HHLA2: variants seen among roughly 807,000 people sequenced by gnomAD.
HHLA2 encodes HHLA2 member of B7 family, also known as HERV-H LTR-associating protein 2.
A neutral mutation model predicts 45.9 loss-of-function variants in HHLA2; 48 were observed. The observed-to-expected ratio is 1.05, with a 90% CI of 0.83 to 1.33. HHLA2 has a LOEUF of 1.33. Ranked by LOEUF, HHLA2 falls within the 40% of genes most tolerant of loss-of-function variation. The probability of loss-of-function intolerance (pLI) is 0.00; values close to 1 mark genes in which losing one functional copy is unlikely to be tolerated. For missense variants in HHLA2, 462 were observed against 494.3 expected (o/e 0.93, Z 0.62); for synonymous variants, 161 against 173.9 (o/e 0.93, Z 0.59).
intron 8 of HHLA2, among the ~76,000 whole-genome samples, chr3:108,372,294 A>T (rs2082191571): frequency 6.6e-6 from 1 of 151,964 alleles, no homozygotes; most frequent in South Asian, 2.1e-4. Context: ...CAAAGACACA[A>T]CATACCAGAA....
exon 6 of HHLA2, chr3:108,355,206 C>T: frequency 1.9e-6 from 3 of 1,613,808 alleles, no homozygotes; most frequent in Non-Finnish European, 2.5e-6. Flanking sequence ...GTCCAATTAT[C>T]ACGTGGAAAA....
chr3:108,364,852 T>C (rs186669894), intron 8 of HHLA2, among the ~76,000 whole-genome samples: 14 of 152,348 alleles, frequency 9.2e-5, no homozygotes, highest in African/African-American at 3.4e-4. Context: ...TGTTTATTTT[T>C]TTCTTGTAAA....
intron 2 of HHLA2, among the ~76,000 whole-genome samples, chr3:108,327,948 C>G (rs774415651): frequency 6.6e-6 from 1 of 152,040 alleles, no homozygotes; most frequent in Admixed American, 6.6e-5. Context: ...GCCTGGCCAA[C>G]GTGGTGAAAC....
intron 8 of HHLA2, among the ~76,000 whole-genome samples, chr3:108,372,554 A>G (rs981603962): frequency 2.0e-5 from 3 of 151,306 alleles, no homozygotes; most frequent in African/African-American, 4.8e-5. Flanking sequence ...TTTTTTGAAA[A>G]GATCAACAAA....
chr3:108,366,530 T>C (rs1484279266), intron 8 of HHLA2, among the ~76,000 whole-genome samples: 1 of 152,216 alleles, frequency 6.6e-6, no homozygotes, highest in Non-Finnish European at 1.5e-5. Flanking sequence ...TTCTGTTGTT[T>C]GGAATAGTAT....
intron 3 of HHLA2, among the ~76,000 whole-genome samples, chr3:108,338,455 C>G (rs72937782): frequency 6.6e-6 from 1 of 151,738 alleles, no homozygotes; most frequent in Admixed American, 6.6e-5. Flanking sequence ...TGAGGACATG[C>G]TTGTTGGGGG....
chr3:108,325,802 C>T, intron 2 of HHLA2: 1 of 317,134 alleles, frequency 3.2e-6, no homozygotes. Flanking sequence ...GTTTCCTCTA[C>T]TACCAAAGTT....
At position 108,375,655 on chromosome 3, in the gene HHLA2, C is replaced by G. The variant is rs1576191467; in HGVS notation, c.1109-95C>G. The G allele has an allele frequency of 2.1e-6, 3 of 1,441,802 alleles. No homozygotes were observed. In the South Asian group the frequency reaches 4.0e-5, roughly 19 times the overall value. The allele number at this position is 1,441,802 out of a possible 1,614,324, so 89.3% of individuals were successfully genotyped here. A position where few individuals can be genotyped will look rare whatever the true frequency, so the allele number is the denominator to read the frequency against. On this transcript the variant is annotated intron_variant, in intron 8 of 10. Coordinates refer to ENST00000619531, the Ensembl canonical transcript of HHLA2. ...CTTCAAAGAACCAGAGAGTGACTTT[C>G]AATTGAAGGACAGAGCCATACCAAG...
chr3:108,338,071 G>GCA (rs1469173957), intron 3 of HHLA2, among the ~76,000 whole-genome samples: 1 of 151,160 alleles, frequency 6.6e-6, no homozygotes, highest in Non-Finnish European at 1.5e-5. Context: ...ATGTACAAAC[G>GCA]CACACACACA....
At chr3:108,298,217 G>C (rs1484462848) in intron 1 of HHLA2, among the ~76,000 whole-genome samples, 2 of 152,176 alleles carry the variant, frequency 1.3e-5, no homozygotes, top group African/African-American at 2.4e-5. Flanking sequence ...TCTTCTGTCA[G>C]ATGAGACTAG....
intron 2 of HHLA2, among the ~76,000 whole-genome samples, chr3:108,327,423 T>G (rs1004798297): frequency 6.6e-6 from 1 of 152,194 alleles, no homozygotes; most frequent in Non-Finnish European, 1.5e-5. Context: ...TTCTCCTTTC[T>G]TTTTCCTAGG....
intron 8 of HHLA2, among the ~76,000 whole-genome samples, chr3:108,367,720 C>T (rs866923659): frequency 6.6e-5 from 10 of 151,972 alleles, no homozygotes; most frequent in Admixed American, 2.0e-4. Context: ...AAAGACCAAA[C>T]CGGTGATTGA....
At chr3:108,355,316 C>T (rs748685350) in exon 6 of HHLA2, 1 of 1,613,726 alleles carries the variant, frequency 6.2e-7, no homozygotes, top group Non-Finnish European at 8.5e-7. Context: ...TCAAATTCAT[C>T]TTATGAATGT....
chr3:108,372,372 C>T (rs1326025729), intron 8 of HHLA2, among the ~76,000 whole-genome samples: 1 of 151,628 alleles, frequency 6.6e-6, no homozygotes, highest in Admixed American at 6.6e-5. Flanking sequence ...CAAGAGAAAG[C>T]AGGAAAGATC....
At chr3:108,376,320 G>A (rs912937646) in intron 9 of HHLA2, among the ~76,000 whole-genome samples, 173 bp from the exon 9 acceptor site, 1 of 152,124 alleles carries the variant, frequency 6.6e-6, no homozygotes, top group African/African-American at 2.4e-5. Flanking sequence ...ATTTACTGCT[G>A]CTTCTGATGA....
intron 10 of HHLA2, 162 bp from the exon 10 acceptor site, chr3:108,377,094 CTT>C: frequency 1.7e-6 from 1 of 592,708 alleles, no homozygotes; most frequent in East Asian, 2.8e-5. Flanking sequence ...AAGACTCAGA[CTT>C]ATTTTATAAT....
At chr3:108,369,549 A>G (rs2082129462) in intron 8 of HHLA2, among the ~76,000 whole-genome samples, 1 of 152,148 alleles carries the variant, frequency 6.6e-6, no homozygotes, top group African/African-American at 2.4e-5. Context: ...GGGTCAGGGA[A>G]TTCCCTTTCC....
At position 108,375,809 on chromosome 3, in the gene HHLA2, C is replaced by G; in HGVS notation, c.1159+9C>G. 6.2e-7 allele frequency: 1 copy of G among 1,609,592 alleles called. No homozygotes were observed. The highest frequency in any genetic ancestry group is 8.5e-7 in the Non-Finnish European group (1 of 1,177,314). On this transcript the variant is annotated intron_variant, in intron 9 of 10. Coordinates refer to ENST00000619531, the Ensembl canonical transcript of HHLA2. ...TGATGGAGCCCAACAAGGTCAGCCT[C>G]CCATGTCTGAGAGAAGAATGGATTC...
rs187053868 is a variant in HHLA2 at position 108,352,551 on chromosome 3, C to T, written c.64+674C>T. On this transcript the variant is annotated intron_variant, in intron 4 of 10. Transcript: ENST00000619531. ...ATAAGGTCCTTTCCAGTGCTAATATCTTAGAATCCATAGACAGGGCACAAG... is the reference window on the plus strand; with the variant it reads ...ATAAGGTCCTTTCCAGTGCTAATATTTTAGAATCCATAGACAGGGCACAAG... 2.0e-3 allele frequency among the ~76,000 whole-genome samples: 305 copies of T among 152,300 alleles called. 2 individuals are homozygous for T. The highest frequency in any genetic ancestry group is 6.6e-3 in the African/African-American group (274 of 41,572).
Sources: gnomAD v4.1 joint callset for allele counts (sites outside exome capture counted in the v4.1 genomes callset) on GRCh38, gnomAD v4.1.1 for gene constraint, MANE v1.5 for transcripts, NCBI Gene and HGNC (gene_info 2026-07-23, HGNC 2026-07-21) for gene names.